The following CBL variants were observed in gnomAD, a reference collection of about 807,000 sequenced individuals.
CBL encodes the protein E3 ubiquitin-protein ligase CBL.
A neutral mutation model predicts 96.9 loss-of-function variants in CBL; 45 were observed. The observed-to-expected ratio is 0.46, with a 90% CI of 0.37 to 0.60. CBL has a LOEUF of 0.60. Among genes scored for constraint, CBL ranks in the 20% least tolerant of loss-of-function variants. The pLI is 0.00. For missense variants in CBL, 1,024 were observed against 1,143.5 expected (o/e 0.90, Z 1.51); for synonymous variants, 420 against 426.8 (o/e 0.98, Z 0.20).
At chr11:119,217,408 C>A (rs1363097101) in intron 1 of CBL, among the ~76,000 whole-genome samples, 1 of 152,202 alleles carries the variant, frequency 6.6e-6, no homozygotes, top group Admixed American at 6.6e-5. Flanking sequence ...CTACCACGTG[C>A]AGCCCATATT....
At chr11:119,220,489 C>A (rs987681016) in intron 1 of CBL, among the ~76,000 whole-genome samples, 4 of 152,154 alleles carry the variant, frequency 2.6e-5, no homozygotes, top group Non-Finnish European at 5.9e-5. Context: ...GTCCCAGCTA[C>A]TGGGGAGGCT....
intron 1 of CBL, among the ~76,000 whole-genome samples, chr11:119,211,769 A>G (rs1949320939): frequency 6.7e-6 from 1 of 150,290 alleles, no homozygotes; most frequent in African/African-American, 2.4e-5. Flanking sequence ...TTCCAAAAGT[A>G]CTGGAACTAA....
At chr11:119,218,762 C>A (rs567342540) in intron 1 of CBL, among the ~76,000 whole-genome samples, 1 of 152,268 alleles carries the variant, frequency 6.6e-6, no homozygotes, top group African/African-American at 2.4e-5. Context: ...TGCTTAATGA[C>A]CCTCAAAGCA....
At chr11:119,268,963 C>T (rs991485400) in intron 2 of CBL, among the ~76,000 whole-genome samples, 4 of 152,176 alleles carry the variant, frequency 2.6e-5, no homozygotes, top group Admixed American at 2.6e-4. Context: ...AGTTTAGGGA[C>T]TACTACTTGA....
chr11:119,262,505 C>T (rs1592392355), intron 2 of CBL, among the ~76,000 whole-genome samples: 1 of 152,324 alleles, frequency 6.6e-6, no homozygotes, highest in South Asian at 2.1e-4. Flanking sequence ...TTTATGGGAA[C>T]TCCCTGCGTG....
chr11:119,242,669 G>T (rs1949595833), intron 2 of CBL, among the ~76,000 whole-genome samples: 1 of 150,522 alleles, frequency 6.6e-6, no homozygotes, highest in Non-Finnish European at 1.5e-5. Context: ...TACTCAGGAG[G>T]CAGTTGAGGT....
chr11:119,288,850 A>G (rs1950004535), intron 12 of CBL, among the ~76,000 whole-genome samples: 1 of 152,230 alleles, frequency 6.6e-6, no homozygotes, highest in South Asian at 2.1e-4. Context: ...GCGCACACTG[A>G]GAATAAGGGC....
At chr11:119,219,506 G>A (rs932812640) in intron 1 of CBL, among the ~76,000 whole-genome samples, 1 of 152,036 alleles carries the variant, frequency 6.6e-6, no homozygotes, top group Admixed American at 6.6e-5. Context: ...GACATGCACA[G>A]AAACGTTTTC....
chr11:119,261,153 A>G (rs950266213), intron 2 of CBL, among the ~76,000 whole-genome samples: 2 of 151,958 alleles, frequency 1.3e-5, no homozygotes, highest in Admixed American at 6.5e-5. Flanking sequence ...ACCTCAGGTG[A>G]GCCGTCTGCC....
In CBL at chr11:119,236,595, G is replaced by GTATATATATATATA. The variant is rs71048051; in HGVS notation, c.443+3915_443+3928dup. 8.0e-4 allele frequency among the ~76,000 whole-genome samples: 110 copies of GTATATATATATATA among 137,746 alleles called. 1 individual carries two copies. The highest frequency in any genetic ancestry group is 8.4e-4 in the African/African-American group (31 of 36,798). 90.4% of individuals were successfully genotyped at this position (137,746 alleles called of 152,430 possible). A position where few individuals can be genotyped will look rare whatever the true frequency, so the allele number is the denominator to read the frequency against. On this transcript the variant is annotated intron_variant, in intron 2 of 15. Coordinates refer to ENST00000264033, the MANE Select transcript of CBL (RefSeq NM_005188.4). ...ACATATATGTTTTCACTTCTTTTGAGTATATATATATATATATATATATAT... is the reference window on the plus strand; with the variant it reads ...ACATATATGTTTTCACTTCTTTTGAGTATATATATATATATATATATATATATATATATATATAT...
At chr11:119,288,054 C>A (rs1949997912) in intron 12 of CBL, 108 bp downstream of exon 12, 4 of 743,572 alleles carry the variant, frequency 5.4e-6, no homozygotes, top group Admixed American at 2.2e-5. Context: ...AAATAAAAAT[C>A]TCTGCACCAT....
At chr11:119,256,617 T>C (rs1949712996) in intron 2 of CBL, among the ~76,000 whole-genome samples, 1 of 152,120 alleles carries the variant, frequency 6.6e-6, no homozygotes, top group African/African-American at 2.4e-5. Flanking sequence ...GAATGAATTA[T>C]ATAGTGAAGT....
At chr11:119,252,539 C>G (rs775204976) in intron 2 of CBL, among the ~76,000 whole-genome samples, 2 of 152,008 alleles carry the variant, frequency 1.3e-5, no homozygotes, top group Non-Finnish European at 2.9e-5. Context: ...CTATGTATGA[C>G]TAAATATTAG....
chr11:119,274,879 T>C lies in CBL; in HGVS notation c.795T>C (p.His265=). 1.9e-6 allele frequency: 3 copies of C among 1,613,408 alleles called. No individual in the cohort carries two copies. Among genetic ancestry groups the C allele is most frequent in the Non-Finnish European group, 2.5e-6 (3 of 1,179,516 alleles). The change falls in exon 5 of 16, where the codon CAT becomes CAC. Residue 265 remains histidine (H), a synonymous_variant. Coordinates refer to ENST00000264033, the MANE Select transcript of CBL (RefSeq NM_005188.4). ...ATTGGAACAGCCTTGCTGTAACTCATCCTGGCTACATGGCTTTTTTGACGT... is the reference window on the plus strand; with the variant it reads ...ATTGGAACAGCCTTGCTGTAACTCACCCTGGCTACATGGCTTTTTTGACGT... ...LRNWNSLAVT[H]PGYMAFLTYD...
At chr11:119,286,356 A>G (rs1949984440) in intron 11 of CBL, among the ~76,000 whole-genome samples, 1 of 152,242 alleles carries the variant, frequency 6.6e-6, no homozygotes, top group Admixed American at 6.5e-5. Flanking sequence ...ATATTGCAGT[A>G]AATGTCCTTT....
rs1950107585 is a variant in CBL at position 119,302,391 on chromosome 11, C to T, written c.*2610C>T. 4.3e-6 allele frequency: 1 copy of T among 232,816 alleles called. No individual in the cohort carries two copies. Among genetic ancestry groups the T allele is most frequent in the Admixed American group, 5.6e-5 (1 of 17,770 alleles). The allele number at this position is 232,816 out of a possible 1,614,324, so 14.4% of individuals were successfully genotyped here. On this transcript the variant is annotated 3_prime_UTR_variant, in exon 16 of 16. Coordinates refer to ENST00000264033, the MANE Select transcript of CBL (RefSeq NM_005188.4). ...TCTGTTGACTAAGGCACCAGTAACCCATTCTTCACCCTCCATTTGTATGGC... is the reference window on the plus strand; with the variant it reads ...TCTGTTGACTAAGGCACCAGTAACCTATTCTTCACCCTCCATTTGTATGGC...
chr11:119,207,706 T>G (rs1949282851), intron 1 of CBL, among the ~76,000 whole-genome samples: 1 of 152,172 alleles, frequency 6.6e-6, no homozygotes, highest in African/African-American at 2.4e-5. Flanking sequence ...TCATATTCTT[T>G]AATTAATTAC....
chr11:119,296,838 G>C, intron 12 of CBL, 80 bp from the exon 13 acceptor site: 2 of 762,814 alleles, frequency 2.6e-6, no homozygotes, highest in East Asian at 5.1e-5. Context: ...AGTTATGTCT[G>C]TTTTTAAGCC....
chr11:119,252,119 T>G (rs1050296334), intron 2 of CBL, among the ~76,000 whole-genome samples: 3 of 151,914 alleles, frequency 2.0e-5, no homozygotes, highest in South Asian at 2.1e-4. Flanking sequence ...TCCTGTGTGT[T>G]AAATTTGTTA....
Sources: allele counts gnomAD v4.1 joint callset (sites outside exome capture counted in the v4.1 genomes callset), GRCh38; gene constraint gnomAD v4.1.1; transcripts MANE v1.5; gene names NCBI Gene and HGNC (gene_info 2026-07-23, HGNC 2026-07-21).